The following RPL39L variants were observed in gnomAD, a reference collection of about 807,000 sequenced individuals.
The protein encoded by RPL39L is ribosomal protein L39 like, also known as ribosomal protein eL39-like 2.
For missense variants in RPL39L, 48 were observed against 58.9 expected (o/e 0.81, Z 0.61); for synonymous variants, 16 against 20.1 (o/e 0.80, Z 0.55).
At chr3:187,135,640 C>T (rs1184068852) in intron 1 of RPL39L, among the ~76,000 whole-genome samples, 2 of 152,140 alleles carry the variant, frequency 1.3e-5, no homozygotes, top group South Asian at 2.1e-4. Context: ...CTAATACAGA[C>T]GGGTAAGCAG....
intron 1 of RPL39L, among the ~76,000 whole-genome samples, chr3:187,138,563 T>C (rs1720627134): frequency 2.0e-5 from 3 of 152,210 alleles, no homozygotes; most frequent in African/African-American, 4.8e-5. Context: ...ATGAGGCAGA[T>C]AGGTAAGACA....
chr3:187,123,445 G>A (rs1720346201), intron 2 of RPL39L, among the ~76,000 whole-genome samples: 2 of 152,186 alleles, frequency 1.3e-5, no homozygotes, highest in Non-Finnish European at 2.9e-5. Context: ...TACATTAGCA[G>A]CAAAGAACTT....
intron 1 of RPL39L, among the ~76,000 whole-genome samples, chr3:187,132,943 G>A (rs1216669019): frequency 1.3e-5 from 2 of 152,188 alleles, no homozygotes; most frequent in Non-Finnish European, 2.9e-5. Context: ...GGAGCAAAGG[G>A]ACATGAGCAC....
chr3:187,129,391 T>C (rs1720450289), intron 1 of RPL39L, among the ~76,000 whole-genome samples: 1 of 152,220 alleles, frequency 6.6e-6, no homozygotes, highest in Non-Finnish European at 1.5e-5. Context: ...CCCAGTCTTC[T>C]CTGGGATCAC....
At chr3:187,134,857 C>T (rs892714038) in intron 1 of RPL39L, among the ~76,000 whole-genome samples, 3 of 152,202 alleles carry the variant, frequency 2.0e-5, no homozygotes, top group African/African-American at 7.2e-5. Context: ...CCAGTTCCCA[C>T]CTCTGTTATG....
intron 1 of RPL39L, among the ~76,000 whole-genome samples, chr3:187,131,656 T>C (rs1720487133): frequency 6.6e-6 from 1 of 152,220 alleles, no homozygotes; most frequent in African/African-American, 2.4e-5. Context: ...CTTAGCCATG[T>C]TGTTCCTTTT....
At chr3:187,133,141 T>C (rs779117487) in intron 1 of RPL39L, among the ~76,000 whole-genome samples, 17 of 152,158 alleles carry the variant, frequency 1.1e-4, no homozygotes, top group Non-Finnish European at 7.3e-5. Flanking sequence ...TGGAAAAGAC[T>C]TGGGACAAGG....
chr3:187,130,406 G>A (rs1009867074), intron 1 of RPL39L, among the ~76,000 whole-genome samples: 5 of 152,228 alleles, frequency 3.3e-5, no homozygotes, highest in African/African-American at 7.2e-5. Context: ...AGTGGGAGGT[G>A]TTTGGGTCGT....
rs150342035 is a variant in RPL39L, at chr3:187,121,165, T to C, written c.136A>G (p.Arg46Gly). ...RYNSKRRHWR[R>G]TKLGL ...ATTCCTTATAGACCCAGCTTGGTTCTTCTCCAATGCCTCCTTTTGGAGTTG... is the reference window on the plus strand; with the variant it reads ...ATTCCTTATAGACCCAGCTTGGTTCCTCTCCAATGCCTCCTTTTGGAGTTG... The change falls in exon 3 of 3, where the codon AGA becomes GGA. Residue 46 changes from arginine (R) to glycine (G), a missense_variant. By Grantham distance (125) the Arg-to-Gly change is moderately radical. Transcript: ENST00000296277. The C allele has an allele frequency of 1.8e-5, 29 of 1,613,794 alleles. No homozygotes were observed. In the African/African-American group the frequency reaches 3.3e-4, roughly 19 times the overall value.
Position 187,121,276 on chromosome 3 carries a change from T to C in RPL39L, c.25A>G (p.Ile9Val). Residue 9 changes from isoleucine to valine, a missense_variant, in exon 3 of 3, where the codon ATT (isoleucine) becomes GTT (valine). By Grantham distance (29) the Ile-to-Val change is conservative. Coordinates refer to ENST00000296277, the MANE Select transcript of RPL39L (RefSeq NM_052969.3). ...TGTTTCTTGGCCAGGAATCGCTTAA[T>C]GGTGAAAGTCTTGTGAGAAGACATG... The part of the protein sequence containing the change: MSSHKTFT[I>V]KRFLAKKQKQ... The C allele has an allele frequency of 1.2e-6, 2 of 1,614,004 alleles. No homozygotes were observed. The highest frequency in any genetic ancestry group is 1.3e-5 in the African/African-American group (1 of 75,030).
At position 187,121,045 on chromosome 3, in the gene RPL39L, T is replaced by C. The variant is rs959392990; in HGVS notation, c.*100A>G. 7.6e-6 allele frequency: 10 copies of C among 1,311,838 alleles called. No individual in the cohort carries two copies. Among genetic ancestry groups the C allele is most frequent in the Non-Finnish European group, 1.1e-5 (10 of 923,302 alleles). 81.3% of individuals were successfully genotyped at this position (1,311,838 alleles called of 1,614,324 possible). ...AAAAAAATATTCCCAGTAAAACATG[T>C]GCAACTGTCCAGGTAGTGGTGACAT... On this transcript the variant is annotated 3_prime_UTR_variant, in exon 3 of 3. Transcript: ENST00000296277.
intron 1 of RPL39L, among the ~76,000 whole-genome samples, chr3:187,130,040 G>A (rs1720461168): frequency 6.6e-6 from 1 of 151,902 alleles, no homozygotes; most frequent in Non-Finnish European, 1.5e-5. Flanking sequence ...ATAATCAGTT[G>A]GCTTAAAAAA....
chr3:187,122,947 A>T, intron 2 of RPL39L, among the ~76,000 whole-genome samples: 1 of 152,250 alleles, frequency 6.6e-6, no homozygotes, highest in East Asian at 1.9e-4. Flanking sequence ...TTTAAAAAAG[A>T]GAAAAAGGAA....
At chr3:187,135,167 T>C (rs948138890) in intron 1 of RPL39L, among the ~76,000 whole-genome samples, 4 of 152,190 alleles carry the variant, frequency 2.6e-5, no homozygotes, top group Non-Finnish European at 4.4e-5. Context: ...CCTGCAGGTG[T>C]CTACTGGGGT....
At position 187,121,240 on chromosome 3, in the gene RPL39L, G is replaced by C; in HGVS notation, c.61C>G (p.Arg21Gly). The C allele has an allele frequency of 6.2e-7, 1 of 1,613,924 alleles. No individual in the cohort carries two copies. Reference sequence around the variant, plus strand: ...ATCTGAATCCACTGGGGGATGGGACGATTTTGCTTTTGTTTCTTGGCCAGG... The same window carrying C: ...ATCTGAATCCACTGGGGGATGGGACCATTTTGCTTTTGTTTCTTGGCCAGG... ...RFLAKKQKQN[R>G]PIPQWIQMKP... The change falls in exon 3 of 3, where the codon CGT becomes GGT. Residue 21 changes from arginine (R) to glycine (G), a missense_variant. Transcript: ENST00000296277.
intron 1 of RPL39L, among the ~76,000 whole-genome samples, chr3:187,130,325 A>G (rs940989283): frequency 6.6e-6 from 1 of 152,188 alleles, no homozygotes; most frequent in Non-Finnish European, 1.5e-5. Context: ...GCACCAATCT[A>G]ATAGTTTGGA....
At chr3:187,122,565 A>G (rs1198218976) in intron 2 of RPL39L, among the ~76,000 whole-genome samples, 2 of 152,122 alleles carry the variant, frequency 1.3e-5, no homozygotes, top group Non-Finnish European at 2.9e-5. Context: ...TATGTCTGGC[A>G]TCTCCCCTAA....
intron 2 of RPL39L, among the ~76,000 whole-genome samples, chr3:187,125,492 T>C (rs1720381907): frequency 6.6e-6 from 1 of 152,158 alleles, no homozygotes; most frequent in Non-Finnish European, 1.5e-5. Context: ...TTCCTGCATC[T>C]TGTGGCTTTC....
At chr3:187,128,668 G>A (rs750061757) in intron 1 of RPL39L, among the ~76,000 whole-genome samples, 5 of 152,144 alleles carry the variant, frequency 3.3e-5, no homozygotes, top group African/African-American at 4.8e-5. Flanking sequence ...GTCCCAGCAT[G>A]CCTGGCCTGT....
Sources: gnomAD v4.1 joint callset for allele counts (sites outside exome capture counted in the v4.1 genomes callset) on GRCh38, gnomAD v4.1.1 for gene constraint, MANE v1.5 for transcripts, NCBI Gene and HGNC (gene_info 2026-07-23, HGNC 2026-07-21) for gene names.